Variants in SLC24A2 observed in about 807,000 individuals in gnomAD.
The protein encoded by SLC24A2 is solute carrier family 24 member 2.
A neutral mutation model predicts 62.0 loss-of-function variants in SLC24A2; 36 were observed. The observed-to-expected ratio is 0.58, with a 90% confidence interval of 0.44 to 0.77. The LOEUF (loss-of-function observed/expected upper bound fraction) is 0.77, where lower values mean the gene tolerates loss of function less well. Ranked by LOEUF, SLC24A2 falls within the 30% of genes least tolerant of loss-of-function variation. SLC24A2 has a pLI of 0.00. For missense variants in SLC24A2, 846 were observed against 817.9 expected (o/e 1.03, Z -0.42); for synonymous variants, 358 against 294.0 (o/e 1.22, Z -2.23).
chr9:19,703,496 T>C (rs995456736), intron 2 of SLC24A2, among the ~76,000 whole-genome samples: 8 of 152,170 alleles, frequency 5.3e-5, no homozygotes, highest in Admixed American at 1.3e-4. Context: ...ATTTAAGTTG[T>C]ATCAAGAGAA....
chr9:19,626,105 G>A (rs1241211036), intron 2 of SLC24A2, among the ~76,000 whole-genome samples: 3 of 152,128 alleles, frequency 2.0e-5, no homozygotes, highest in Non-Finnish European at 4.4e-5. Context: ...GCATTTTGAT[G>A]CTATAAATCA....
At chr9:19,613,012 C>A (rs752094422) in intron 4 of SLC24A2, among the ~76,000 whole-genome samples, 1 of 152,158 alleles carries the variant, frequency 6.6e-6, no homozygotes, top group African/African-American at 2.4e-5. Context: ...CCAAGCTGCT[C>A]TGGGCCTTGG....
the SLC24A2 span, among the ~76,000 whole-genome samples, chr9:20,187,172 T>A: frequency 5.7e-4 from 87 of 152,308 alleles, 1 homozygote; most frequent in East Asian, 8.9e-3. Context: ...GAACCTGGCT[T>A]GGCCCCTAGC....
chr9:19,890,817 T>C, the SLC24A2 span, among the ~76,000 whole-genome samples: 1 of 152,196 alleles, frequency 6.6e-6, no homozygotes. Flanking sequence ...CTTTTAATAG[T>C]ATCTGTATTC....
intron 7 of SLC24A2, among the ~76,000 whole-genome samples, chr9:19,566,948 C>G (rs6475355): frequency 6.6e-4 from 97 of 146,096 alleles, no homozygotes; most frequent in Middle Eastern, 3.6e-3. Flanking sequence ...CATCACACAC[C>G]GGGGCCTGTT....
At chr9:20,203,770 G>GA in the SLC24A2 span, among the ~76,000 whole-genome samples, 2 of 152,106 alleles carry the variant, frequency 1.3e-5, no homozygotes. Flanking sequence ...TAAACTGGAA[G>GA]AAAAAATACA....
intron 8 of SLC24A2, among the ~76,000 whole-genome samples, chr9:19,529,496 T>G (rs1563935510): frequency 6.6e-6 from 1 of 152,202 alleles, no homozygotes; most frequent in Non-Finnish European, 1.5e-5. Flanking sequence ...TTTAAATGAT[T>G]GCTGTTTTGT....
the SLC24A2 span, among the ~76,000 whole-genome samples, chr9:20,174,768 C>T: frequency 6.6e-6 from 1 of 151,952 alleles, no homozygotes; most frequent in Non-Finnish European, 1.5e-5. Flanking sequence ...TAAACTAGTA[C>T]AACCACTATG....
At chr9:19,735,334 A>T (rs1364705729) in intron 2 of SLC24A2, among the ~76,000 whole-genome samples, 1 of 152,082 alleles carries the variant, frequency 6.6e-6, no homozygotes, top group Non-Finnish European at 1.5e-5. Flanking sequence ...TTAGAATGGC[A>T]ATCATTAAAA....
At chr9:20,010,659 T>C in the SLC24A2 span, among the ~76,000 whole-genome samples, 2 of 152,076 alleles carry the variant, frequency 1.3e-5, no homozygotes, top group Non-Finnish European at 1.5e-5. Context: ...GTGCACAACA[T>C]GCAGGTTTGT....
At chr9:20,195,404 T>A in the SLC24A2 span, among the ~76,000 whole-genome samples, 1 of 152,178 alleles carries the variant, frequency 6.6e-6, no homozygotes, top group Non-Finnish European at 1.5e-5. Context: ...TTTATTGATG[T>A]TTTAATTTAT....
chr9:19,903,312 G>C, the SLC24A2 span, among the ~76,000 whole-genome samples: 2 of 152,086 alleles, frequency 1.3e-5, no homozygotes, highest in Non-Finnish European at 2.9e-5. Context: ...ACCTCACATG[G>C]CAGAGAGAAA....
At chr9:19,934,661 C>T in the SLC24A2 span, among the ~76,000 whole-genome samples, 1 of 152,236 alleles carries the variant, frequency 6.6e-6, no homozygotes, top group African/African-American at 2.4e-5. This position sits in a 1 kb window ranked among gnomAD's most constrained non-coding sequence, Gnocchi z 4.1. Context: ...GGGTTTCATT[C>T]AAGTGCAGCC....
At chr9:19,542,074 T>G (rs1586922782) in intron 8 of SLC24A2, among the ~76,000 whole-genome samples, 1 of 152,246 alleles carries the variant, frequency 6.6e-6, no homozygotes, top group East Asian at 1.9e-4. Context: ...TCGCGCACGG[T>G]GCACGCACAC....
intron 2 of SLC24A2, among the ~76,000 whole-genome samples, chr9:19,659,316 T>G (rs1319913219): frequency 6.6e-6 from 1 of 152,190 alleles, no homozygotes; most frequent in Non-Finnish European, 1.5e-5. Flanking sequence ...TCCAGCACCT[T>G]GATTTCAGGC....
intron 2 of SLC24A2, among the ~76,000 whole-genome samples, chr9:19,650,512 A>G (rs1359041569): frequency 1.3e-5 from 2 of 152,146 alleles, no homozygotes; most frequent in African/African-American, 4.8e-5. Flanking sequence ...ATAATCTCCC[A>G]CGCCCATCAG....
At chr9:20,164,858 A>G in the SLC24A2 span, among the ~76,000 whole-genome samples, 1 of 151,572 alleles carries the variant, frequency 6.6e-6, no homozygotes, top group South Asian at 2.1e-4. Context: ...ATTGGAAATC[A>G]TCATTCTCAG....
chr9:20,244,503 C>T, the SLC24A2 span, among the ~76,000 whole-genome samples: 1 of 152,194 alleles, frequency 6.6e-6, no homozygotes, highest in African/African-American at 2.4e-5. Context: ...TCAGATCTGT[C>T]AGATTTATGC....
At chr9:20,101,658 T>C in the SLC24A2 span, among the ~76,000 whole-genome samples, 1 of 152,090 alleles carries the variant, frequency 6.6e-6, no homozygotes, top group Non-Finnish European at 1.5e-5. Flanking sequence ...AGAAAAGGAA[T>C]GGAGACCTGA....
Sources: gnomAD v4.1 joint callset for allele counts (sites outside exome capture counted in the v4.1 genomes callset) on GRCh38, gnomAD v4.1.1 for gene constraint, Gnocchi (gnomAD v3.1) non-coding constraint, MANE v1.5 for transcripts, NCBI Gene and HGNC (gene_info 2026-07-23, HGNC 2026-07-21) for gene names.